GRK5: variants seen among roughly 807,000 people sequenced by gnomAD.
The protein encoded by GRK5 is G protein-coupled receptor kinase 5.
Under a neutral mutation model 78.4 loss-of-function variants are expected in GRK5, and 40 were observed. That is an observed-to-expected ratio of 0.51 (90% CI 0.40 to 0.66). GRK5 has a LOEUF of 0.66. GRK5 is among the 30% of genes least tolerant of loss of function. The pLI is 0.00. For synonymous variants in GRK5, 289 were observed against 296.8 expected, an observed-to-expected ratio of 0.97 and a Z score of 0.27; for missense variants, 598 against 759.9, an observed-to-expected ratio of 0.79 and a Z score of 2.50.
intron 4 of GRK5, chr10:119,406,559 C>A (rs1023461861): frequency 2.5e-6 from 2 of 790,536 alleles, no homozygotes; most frequent in Non-Finnish European, 1.5e-6. Flanking sequence ...ACTGAGATTG[C>A]CCGGCCCTCA....
rs544557762 is a variant in GRK5 at position 119,227,812 on chromosome 10, G to T, written c.52+19843G>T. Among the ~76,000 whole-genome samples, 21 of 152,234 alleles carry T rather than the reference G, an allele frequency of 1.4e-4. No homozygotes were observed. The South Asian group carries it at 4.4e-3, about 32-fold the overall frequency. ...GATAAAGGCTTATTTAAAAAGTGTG[G>T]GTGAATAGGTTCTTTCAAACATTAC... is the stretch of plus-strand genomic sequence containing the variant. On this transcript the variant is annotated intron_variant, in intron 1 of 15. Coordinates refer to ENST00000392870, the MANE Select transcript of GRK5 (RefSeq NM_005308.3).
At chr10:119,453,761 T>C (rs1170944085) in intron 15 of GRK5, among the ~76,000 whole-genome samples, 1 of 152,166 alleles carries the variant, frequency 6.6e-6, no homozygotes, top group African/African-American at 2.4e-5. Flanking sequence ...CTGAACATCA[T>C]AAGCCCAGGG....
chr10:119,345,832 CTTT>C (rs60190959), intron 2 of GRK5, among the ~76,000 whole-genome samples: 4 of 145,774 alleles, frequency 2.7e-5, no homozygotes, highest in African/African-American at 7.6e-5. Flanking sequence ...AGCTGTTTGA[CTTT>C]TTTTTTTTTT....
chr10:119,328,701 G>A (rs1016634474), intron 2 of GRK5, among the ~76,000 whole-genome samples: 5 of 152,232 alleles, frequency 3.3e-5, no homozygotes, highest in African/African-American at 1.2e-4. Context: ...TGAGTTGGAG[G>A]TGAGAGCTTA....
At chr10:119,447,717 C>A (rs1378388662) in intron 12 of GRK5, among the ~76,000 whole-genome samples, 3 of 152,152 alleles carry the variant, frequency 2.0e-5, no homozygotes, top group Admixed American at 6.5e-5. Flanking sequence ...CCTTCTCTGT[C>A]AGGAAGGGGC....
At chr10:119,288,485 T>G (rs985049656) in intron 1 of GRK5, among the ~76,000 whole-genome samples, 1 of 152,318 alleles carries the variant, frequency 6.6e-6, no homozygotes, top group Non-Finnish European at 1.5e-5. Context: ...CCCAAAGCTT[T>G]ATTGTGGGTT....
chr10:119,443,598 T>C lies in GRK5; in HGVS notation c.1112T>C (p.Leu371Pro), dbSNP rs367798791. The C allele has an allele frequency of 8.7e-6, 14 of 1,613,428 alleles. No homozygotes were observed. The highest frequency in any genetic ancestry group is 1.3e-5 in the African/African-American group (1 of 74,926). Residue 371 changes from leucine (L) to proline (P), a missense_variant, in exon 12 of 16, where the codon CTT (leucine) becomes CCT (proline). Coordinates refer to ENST00000392870, the MANE Select transcript of GRK5 (RefSeq NM_005308.3). ...GGCCTGAGCCCCGACTACTGGGGCC[T>C]TGGCTGCCTCATCTATGAGATGATC... ...RYGLSPDYWG[L>P]GCLIYEMIEG...
intron 1 of GRK5, among the ~76,000 whole-genome samples, chr10:119,228,001 G>C (rs1435092633): frequency 6.6e-6 from 1 of 152,146 alleles, no homozygotes; most frequent in Non-Finnish European, 1.5e-5. Flanking sequence ...CGTGCAGGAA[G>C]TTGTTCAGTA....
chr10:119,348,857 C>T (rs927324552), intron 2 of GRK5, among the ~76,000 whole-genome samples: 16 of 152,154 alleles, frequency 1.1e-4, no homozygotes, highest in South Asian at 2.1e-4. Flanking sequence ...AAAAGGAGTT[C>T]GCTCCATTAA....
At chr10:119,342,333 T>C (rs142080576) in intron 2 of GRK5, among the ~76,000 whole-genome samples, 79 of 152,224 alleles carry the variant, frequency 5.2e-4, no homozygotes, top group African/African-American at 1.7e-3. Context: ...GTGAGGAACA[T>C]GAGCTCCAGT....
In GRK5 at chr10:119,354,060, C is replaced by A. The variant is rs1167704175; in HGVS notation, c.149-26755C>A. On this transcript the variant is annotated intron_variant, in intron 2 of 15. Transcript: ENST00000392870. The stretch of plus-strand genomic sequence containing the variant: ...TATATGACATATATAGATTATATTT[C>A]TAAAATCTGATAAGTTCTGAATTCT... Among the ~76,000 whole-genome samples, 3 of 143,142 alleles carry A rather than the reference C, an allele frequency of 2.1e-5. No homozygotes were observed. In the East Asian group the frequency reaches 6.2e-4, roughly 30 times the overall value. The allele number at this position is 143,142 out of a possible 152,430, so 93.9% of individuals were successfully genotyped here.
At position 119,425,036 on chromosome 10, in the gene GRK5, C is replaced by T. The variant is rs749530135; in HGVS notation, c.484C>T (p.Leu162=). ...YLRGEPFHEY[L]DSMFFDRFLQ... ...GAGGGGAGAACCATTCCACGAATAT[C>T]TGGACAGCATGTTTTTTGACCGCTT... Residue 162 remains leucine, a synonymous_variant, in exon 6 of 16, where the codon CTG becomes TTG. Transcript: ENST00000392870. The T allele has an allele frequency of 3.1e-6, 5 of 1,614,016 alleles. No homozygotes were observed. Among genetic ancestry groups the T allele is most frequent in the Non-Finnish European group, 4.2e-6 (5 of 1,179,918 alleles).
In GRK5 at chr10:119,431,315, C is replaced by CCGGGG; in HGVS notation, c.598-71_598-70insGGGGC. On this transcript the variant is annotated intron_variant, in intron 7 of 15. Coordinates refer to ENST00000392870, the MANE Select transcript of GRK5 (RefSeq NM_005308.3). This position sits in a 1 kb window ranked among gnomAD's most constrained non-coding sequence, Gnocchi z 4.8. ...ATTCTCTACCTGGGAGGCCTGTGGTCCCCGCCCTGGAGGAGCTCGGGGCAG... is the reference window on the plus strand; with the variant it reads ...ATTCTCTACCTGGGAGGCCTGTGGTCCGGGGCCCGCCCTGGAGGAGCTCGGGGCAG... 6.6e-7 allele frequency: 1 copy of CCGGGG among 1,526,664 alleles called. No individual in the cohort carries two copies. Among genetic ancestry groups the CCGGGG allele is most frequent in the Non-Finnish European group, 8.8e-7 (1 of 1,134,716 alleles). The allele number at this position is 1,526,664 out of a possible 1,614,324, so 94.6% of individuals were successfully genotyped here.
rs199673866 is a variant in GRK5 at position 119,430,381 on chromosome 10, G to A, written c.540G>A (p.Pro180=). ...GGATTCTTCTTTCTTCCAGGCAACC[G>A]GTGACCAAAAACACTTTCAGGCAGT... The part of the protein sequence containing the change: ...FLQWKWLERQ[P]VTKNTFRQYR... Residue 180 remains proline (P), a synonymous_variant, in exon 7 of 16, where the codon CCG becomes CCA. Coordinates refer to ENST00000392870, the MANE Select transcript of GRK5 (RefSeq NM_005308.3). This position sits in a 1 kb window ranked among gnomAD's most constrained non-coding sequence, Gnocchi z 4.5. 6.6e-5 allele frequency: 107 copies of A among 1,613,616 alleles called. No individual in the cohort carries two copies. The highest frequency in any genetic ancestry group is 8.4e-5 in the Non-Finnish European group (99 of 1,179,758).
At chr10:119,296,328 A>G (rs1258814586) in intron 1 of GRK5, among the ~76,000 whole-genome samples, 1 of 152,248 alleles carries the variant, frequency 6.6e-6, no homozygotes, top group Non-Finnish European at 1.5e-5. Context: ...AGCCAGAACC[A>G]GATCACATAG....
intron 1 of GRK5, among the ~76,000 whole-genome samples, chr10:119,255,580 G>T (rs748550236): frequency 1.3e-5 from 2 of 152,182 alleles, no homozygotes; most frequent in Non-Finnish European, 2.9e-5. Context: ...CATGGAGCAG[G>T]CACTGAGACT....
Position 119,445,059 on chromosome 10 carries a change from G to A in GRK5, c.1266+1307G>A, listed in dbSNP as rs1316783666. Among the ~76,000 whole-genome samples, 1 of 152,128 alleles carries A rather than the reference G, an allele frequency of 6.6e-6. No homozygotes were observed. The highest frequency in any genetic ancestry group is 1.5e-5 in the Non-Finnish European group (1 of 68,024). ...TCACATCACAGAGCTGTGGGAAGAA[G>A]TCCTGTGTGTACAGCAGACCCACAC... On this transcript the variant is annotated intron_variant, in intron 12 of 15. Transcript: ENST00000392870. This position sits in a 1 kb window ranked among gnomAD's most constrained non-coding sequence, Gnocchi z 4.1.
rs1853404581 is a variant in GRK5, at chr10:119,456,441, C to T, written c.*1374C>T. The T allele has an allele frequency of 6.6e-6, 1 of 152,290 alleles. No individual in the cohort carries two copies. Among genetic ancestry groups the T allele is most frequent in the Non-Finnish European group, 1.5e-5 (1 of 68,084 alleles). The allele number at this position is 152,290 out of a possible 1,614,324, so 9.4% of individuals were successfully genotyped here. Reference sequence around the variant, plus strand: ...CCCAGACCCTTGTAGCAGGGCTGTCCATCCCCAGGGAGCAGCTGGCCACCT... The same window carrying T: ...CCCAGACCCTTGTAGCAGGGCTGTCTATCCCCAGGGAGCAGCTGGCCACCT... On this transcript the variant is annotated 3_prime_UTR_variant, in exon 16 of 16. Coordinates refer to ENST00000392870, the MANE Select transcript of GRK5 (RefSeq NM_005308.3). This position sits in a 1 kb window ranked among gnomAD's most constrained non-coding sequence, Gnocchi z 5.5.
intron 1 of GRK5, among the ~76,000 whole-genome samples, chr10:119,219,361 G>C (rs532148553): frequency 6.6e-6 from 1 of 152,168 alleles, no homozygotes. Flanking sequence ...CTACAGGTGC[G>C]TGCCACCACA....
Sources: allele counts gnomAD v4.1 joint callset (sites outside exome capture counted in the v4.1 genomes callset), GRCh38; gene constraint gnomAD v4.1.1; non-coding constraint Gnocchi (gnomAD v3.1); transcripts MANE v1.5; gene names NCBI Gene and HGNC (gene_info 2026-07-23, HGNC 2026-07-21).